Variants in ORC5 observed in about 807,000 individuals in gnomAD.
ORC5 encodes the protein origin recognition complex subunit 5, also known as protein phosphatase 1, regulatory subunit 117.
ORC5 carries 39 observed loss-of-function variants against 58.8 expected under a neutral mutation model. The observed-to-expected ratio is 0.66, with a 90% CI of 0.51 to 0.87. ORC5 has a LOEUF of 0.87. Among genes scored for constraint, ORC5 ranks in the 40% least tolerant of loss-of-function variants. The pLI, the probability that ORC5 is intolerant of heterozygous loss-of-function variation, is 0.00. For missense variants in ORC5, 493 were observed against 506.3 expected (o/e 0.97, Z 0.25); for synonymous variants, 218 against 177.6 (o/e 1.23, Z -1.81).
At chr7:104,173,838 A>T (rs947120538) in intron 8 of ORC5, among the ~76,000 whole-genome samples, 13 of 122,778 alleles carry the variant, frequency 1.1e-4, no homozygotes, top group South Asian at 5.6e-4. Flanking sequence ...TGGGTTTAAA[A>T]TTTTTTCTTT....
At chr7:104,148,226 G>A (rs1039624568) in intron 12 of ORC5, among the ~76,000 whole-genome samples, 16 of 152,154 alleles carry the variant, frequency 1.1e-4, no homozygotes, top group African/African-American at 1.9e-4. Context: ...TCAAGGTCAC[G>A]AAGTTAACAG....
intron 8 of ORC5, among the ~76,000 whole-genome samples, chr7:104,180,899 T>C (rs1799418838): frequency 6.6e-6 from 1 of 152,194 alleles, no homozygotes; most frequent in Admixed American, 6.5e-5. Context: ...CATCAAATTT[T>C]TATCCATGGC....
intron 8 of ORC5, among the ~76,000 whole-genome samples, chr7:104,182,340 T>C (rs773410787): frequency 5.3e-5 from 8 of 152,284 alleles, no homozygotes; most frequent in Non-Finnish European, 8.8e-5. Flanking sequence ...AGACTCCACA[T>C]CATAATGAGA....
chr7:104,187,757 T>A, intron 6 of ORC5: 1 of 976,202 alleles, frequency 1.0e-6, no homozygotes, highest in Non-Finnish European at 1.2e-6. Flanking sequence ...TATACAAAGA[T>A]TACCAGCTCA....
intron 13 of ORC5, among the ~76,000 whole-genome samples, chr7:104,131,150 A>C (rs950075027): frequency 1.3e-5 from 2 of 152,104 alleles, no homozygotes; most frequent in African/African-American, 4.8e-5. Flanking sequence ...TCCATTCCCC[A>C]TGGCAGCTAT....
chr7:104,178,469 C>A (rs1799367116), intron 8 of ORC5, among the ~76,000 whole-genome samples: 1 of 152,098 alleles, frequency 6.6e-6, no homozygotes, highest in South Asian at 2.1e-4. Flanking sequence ...AGACCTTTGC[C>A]AGATGGGTAG....
intron 8 of ORC5, among the ~76,000 whole-genome samples, chr7:104,176,978 T>C (rs981689893): frequency 3.3e-5 from 5 of 152,218 alleles, no homozygotes; most frequent in African/African-American, 4.8e-5. Flanking sequence ...ATAAGACCAA[T>C]TGAATATTGT....
intron 8 of ORC5, among the ~76,000 whole-genome samples, chr7:104,181,708 C>T (rs141834106): frequency 1.3e-5 from 2 of 150,616 alleles, no homozygotes; most frequent in Admixed American, 1.3e-4. Context: ...AGGAGAATGG[C>T]GTGAACCCGG....
Position 104,200,813 on chromosome 7 carries a change from C to A in ORC5, c.311G>T (p.Arg104Leu). 1 of 1,612,400 alleles carries A rather than the reference C, an allele frequency of 6.2e-7. No individual in the cohort carries two copies. Among genetic ancestry groups the A allele is most frequent in the Non-Finnish European group, 8.5e-7 (1 of 1,178,604 alleles). The change falls in exon 3 of 14, where the codon CGC (arginine) becomes CTC (leucine). Residue 104 changes from arginine to leucine, a missense_variant. By Grantham distance (102) the Arg-to-Leu change is moderately radical (BLOSUM62 -2). Around this residue, in one of 3 missense-constraint regions of ORC5, gnomAD observed 412 missense variants for 403.7 expected, o/e 1.02. Transcript: ENST00000297431. ...AGCTGTGGTTACTTGTTTAAACAAGCGAACAAAGTCATTAAATGTTTCACA... is the reference window on the plus strand; with the variant it reads ...AGCTGTGGTTACTTGTTTAAACAAGAGAACAAAGTCATTAAATGTTTCACA... ...ITCETFNDFV[R>L]LFKQVTTAEN...
chr7:104,203,803 T>A (rs1209275815), intron 2 of ORC5, among the ~76,000 whole-genome samples: 1 of 152,108 alleles, frequency 6.6e-6, no homozygotes, highest in Non-Finnish European at 1.5e-5. Context: ...ATAAGAGGCT[T>A]ACAGAAATAC....
chr7:104,131,385 C>T (rs1187604499), intron 13 of ORC5, among the ~76,000 whole-genome samples: 1 of 152,162 alleles, frequency 6.6e-6, no homozygotes, highest in South Asian at 2.1e-4. Flanking sequence ...ATTCTAAACC[C>T]CATGCTTATA....
chr7:104,148,996 T>C (rs1175807509), intron 12 of ORC5, among the ~76,000 whole-genome samples: 5 of 147,930 alleles, frequency 3.4e-5, no homozygotes, highest in Admixed American at 6.8e-5. Context: ...ACTGTGCCAC[T>C]GCACTCCCAC....
chr7:104,164,854 A>G (rs1278647140), intron 11 of ORC5, among the ~76,000 whole-genome samples: 2 of 152,160 alleles, frequency 1.3e-5, no homozygotes, highest in Non-Finnish European at 2.9e-5. Context: ...ATGCAATTGC[A>G]AATTCTGGGG....
At chr7:104,172,186 G>A (rs1430803678) in intron 8 of ORC5, among the ~76,000 whole-genome samples, 1 of 152,164 alleles carries the variant, frequency 6.6e-6, no homozygotes, top group Non-Finnish European at 1.5e-5. Flanking sequence ...CAAGAGTTAT[G>A]GGTGGTTCTA....
At chr7:104,179,146 A>C (rs1376200931) in intron 8 of ORC5, among the ~76,000 whole-genome samples, 1 of 148,296 alleles carries the variant, frequency 6.7e-6, no homozygotes, top group Non-Finnish European at 1.5e-5. Flanking sequence ...ACAGGGTCTC[A>C]CCATGTTTCC....
intron 5 of ORC5, among the ~76,000 whole-genome samples, chr7:104,194,277 G>A (rs1419356995): frequency 4.6e-5 from 7 of 151,772 alleles, no homozygotes; most frequent in Non-Finnish European, 8.8e-5. Context: ...CTGCTGTTCT[G>A]GTGGAAACAG....
At chr7:104,147,998 T>G (rs1052222492) in intron 12 of ORC5, among the ~76,000 whole-genome samples, 1 of 152,132 alleles carries the variant, frequency 6.6e-6, no homozygotes, top group African/African-American at 2.4e-5. Context: ...GGACAAAACT[T>G]GAGGGGCAGG....
intron 4 of ORC5, among the ~76,000 whole-genome samples, chr7:104,195,774 T>A (rs1799786721): frequency 6.6e-6 from 1 of 152,224 alleles, no homozygotes; most frequent in Admixed American, 6.5e-5. Flanking sequence ...AATTATTGAA[T>A]TGTTTTTGCT....
At chr7:104,139,707 TTGAA>T (rs1798642922) in intron 12 of ORC5, among the ~76,000 whole-genome samples, 1 of 152,094 alleles carries the variant, frequency 6.6e-6, no homozygotes, top group Non-Finnish European at 1.5e-5. Context: ...AGGTTACACC[TTGAA>T]ATATCTTTTA....
Sources: gnomAD v4.1 joint callset for allele counts (sites outside exome capture counted in the v4.1 genomes callset) on GRCh38, gnomAD v4.1.1 for gene constraint, gnomAD v4.1.1 regional missense constraint, MANE v1.5 for transcripts, NCBI Gene and HGNC (gene_info 2026-07-23, HGNC 2026-07-21) for gene names.